COL11A1: variants seen among roughly 807,000 people sequenced by gnomAD.
COL11A1 encodes the protein collagen type XI alpha 1 chain, also known as collagen alpha-1(XI) chain.
A neutral mutation model predicts 265.2 loss-of-function variants in COL11A1; 74 were observed. The ratio of observed to expected loss-of-function variants is 0.28; its 90% CI spans 0.23 to 0.34. The LOEUF (loss-of-function observed/expected upper bound fraction) is 0.34. Among genes scored for constraint, COL11A1 ranks in the 10% least tolerant of loss-of-function variants. The pLI, the probability that COL11A1 is intolerant of heterozygous loss-of-function variation, is 1.00. For synonymous variants in COL11A1, 816 were observed against 727.6 expected (o/e 1.12, Z -1.96); for missense variants, 2,165 against 2,263.6 (o/e 0.96, Z 0.88).
intron 21 of COL11A1, 90 bp downstream of exon 21, chr1:103,003,125 C>A (rs1665279109): frequency 7.6e-7 from 1 of 1,314,656 alleles, no homozygotes; most frequent in African/African-American, 1.4e-5. Context: ...GCAATAAACT[C>A]TTGGCTCTCT....
intron 29 of COL11A1, among the ~76,000 whole-genome samples, chr1:102,988,928 T>C (rs958059325): frequency 6.6e-6 from 1 of 152,148 alleles, no homozygotes; most frequent in South Asian, 2.1e-4. Flanking sequence ...ATATTTTCTA[T>C]AGAATGCTTC....
At chr1:103,043,783 G>C (rs1406747857) in intron 4 of COL11A1, among the ~76,000 whole-genome samples, 1 of 151,994 alleles carries the variant, frequency 6.6e-6, no homozygotes, top group East Asian at 1.9e-4. Flanking sequence ...CTAAAAATAA[G>C]TTCCAGTTTC....
In COL11A1 at chr1:102,987,659, C is replaced by T; in HGVS notation, c.2476G>A (p.Gly826Ser). The T allele has an allele frequency of 6.2e-7, 1 of 1,613,524 alleles. No individual in the cohort carries two copies. Among genetic ancestry groups the T allele is most frequent in the African/African-American group, 1.3e-5 (1 of 74,970 alleles). ...KGRAGPTGDP[G>S]PSGQAGEKGK... is the part of the protein sequence containing the mutation. ...TTTTCTCCTGCTTGACCTGAAGGAC[C>T]TGGGTCTCCAGTTGGGCCTGCTCGA... The change falls in exon 30 of 67, where the codon GGT (glycine) becomes AGT (serine). Residue 826 changes from glycine (G) to serine (S), a missense_variant. By Grantham distance (56) the Gly-to-Ser change is moderately conservative. Transcript: ENST00000370096.
At chr1:102,998,176 G>A in intron 25 of COL11A1, 134 bp downstream of exon 25, 1 of 759,036 alleles carries the variant, frequency 1.3e-6, no homozygotes, top group Admixed American at 2.1e-5. Context: ...AGGTATTTTA[G>A]AGAGATCAAT....
At chr1:102,907,863 C>T (rs1654177627) in intron 54 of COL11A1, among the ~76,000 whole-genome samples, 1 of 151,934 alleles carries the variant, frequency 6.6e-6, no homozygotes, top group Non-Finnish European at 1.5e-5. Context: ...GATAACAAAA[C>T]ATTATTCCTT....
intron 47 of COL11A1, among the ~76,000 whole-genome samples, chr1:102,922,436 G>A (rs1170179996): frequency 2.0e-5 from 3 of 151,982 alleles, no homozygotes; most frequent in South Asian, 2.1e-4. Flanking sequence ...TTGCTCTGTC[G>A]CCCAGGCTGG....
At position 103,078,736 on chromosome 1, in the gene COL11A1, A is replaced by G. The variant is rs769960670; in HGVS notation, c.410T>C (p.Phe137Ser). 4 of 1,613,498 alleles carry G rather than the reference A, an allele frequency of 2.5e-6. No homozygotes were observed. Among genetic ancestry groups the G allele is most frequent in the South Asian group, 2.2e-5 (2 of 91,080 alleles). Residue 137 changes from phenylalanine to serine, a missense_variant, in exon 3 of 67, where the codon TTT (phenylalanine) becomes TCT (serine). Transcript: ENST00000370096. Reference sequence around the variant, plus strand: ...TTTTCCAGTGTGGTCTTCAAACAGAAAAACAGGTGATCTCCCAACCTCAAC... The same window carrying G: ...TTTTCCAGTGTGGTCTTCAAACAGAGAAACAGGTGATCTCCCAACCTCAAC... ...IGVEVGRSPV[F>S]LFEDHTGKPA...
chr1:102,989,688 G>C, intron 28 of COL11A1, 117 bp from the exon 29 acceptor site: 1 of 600,782 alleles, frequency 1.7e-6, no homozygotes, highest in East Asian at 3.1e-5. Flanking sequence ...TGAGAAATGT[G>C]CATGGTAGTT....
chr1:103,108,045 C>T (rs1273777458), intron 1 of COL11A1, 28 bp downstream of exon 1: 3 of 1,569,348 alleles, frequency 1.9e-6, no homozygotes, highest in African/African-American at 2.7e-5. Context: ...CGGCAATCTC[C>T]CACCTCCCCA....
At chr1:103,008,682 A>G (rs979805052) in intron 14 of COL11A1, among the ~76,000 whole-genome samples, 166 bp from the exon 15 acceptor site, 18 of 152,212 alleles carry the variant, frequency 1.2e-4, no homozygotes, top group African/African-American at 3.6e-4. Context: ...TTGCATTGAA[A>G]TATATCTCTT....
chr1:103,008,322 T>A lies in COL11A1; in HGVS notation c.1683+141A>T, dbSNP rs528104930. On this transcript the variant is annotated intron_variant, in intron 15 of 66. Transcript: ENST00000370096. ...CGTAATCAGTTTTCTCTGAATTTTT[T>A]AATTTCAAAATAAACCCTCATACAT... 48 of 683,566 alleles carry A rather than the reference T, an allele frequency of 7.0e-5. No homozygotes were observed. The East Asian group carries it at 1.1e-3, about 15-fold the overall frequency. 42.3% of individuals were successfully genotyped at this position (683,566 alleles called of 1,614,324 possible). A position where few individuals can be genotyped will look rare whatever the true frequency, so the allele number is the denominator to read the frequency against.
chr1:103,006,572 C>G (rs1344287093), intron 15 of COL11A1, among the ~76,000 whole-genome samples: 2 of 107,548 alleles, frequency 1.9e-5, no homozygotes, highest in Admixed American at 2.9e-4. Context: ...GAGTCTAGCT[C>G]TGTCGCCTAG....
intron 35 of COL11A1, among the ~76,000 whole-genome samples, chr1:102,976,440 A>G (rs112952709): frequency 0.02 from 3,100 of 151,864 alleles, 103 homozygotes; most frequent in African/African-American, 0.071. Flanking sequence ...CTGGGATTAC[A>G]GGCACCCACC....
At chr1:103,031,538 T>C (rs561069707) in intron 4 of COL11A1, among the ~76,000 whole-genome samples, 18 of 152,160 alleles carry the variant, frequency 1.2e-4, no homozygotes, top group Non-Finnish European at 1.8e-4. Context: ...TTATACTGCA[T>C]GGTAAAGAAC....
intron 48 of COL11A1, among the ~76,000 whole-genome samples, chr1:102,920,673 C>A (rs552568570): frequency 6.6e-6 from 1 of 152,072 alleles, no homozygotes; most frequent in Non-Finnish European, 1.5e-5. Context: ...TGGTTTTAGG[C>A]GGTGATTTTG....
At chr1:102,927,143 TAA>T (rs1180097974) in intron 46 of COL11A1, among the ~76,000 whole-genome samples, 15 of 152,040 alleles carry the variant, frequency 9.9e-5, no homozygotes, top group Admixed American at 8.5e-4. Context: ...TTTATAAAAA[TAA>T]AGATACAAAT....
chr1:102,991,599 C>T (rs1011825374), intron 28 of COL11A1, among the ~76,000 whole-genome samples: 4 of 151,996 alleles, frequency 2.6e-5, no homozygotes, highest in East Asian at 1.9e-4. Context: ...GCTAAATGGC[C>T]GAACACAAGA....
intron 31 of COL11A1, among the ~76,000 whole-genome samples, chr1:102,980,760 A>G (rs190346962): frequency 2.0e-3 from 304 of 152,226 alleles, no homozygotes; most frequent in Middle Eastern, 0.01. Context: ...GTTGCTAAAA[A>G]TATGGATTGC....
intron 49 of COL11A1, among the ~76,000 whole-genome samples, chr1:102,917,387 A>G (rs11164637): frequency 0.53 from 80,779 of 151,810 alleles, 25,732 homozygotes; most frequent in East Asian, 0.77. Flanking sequence ...TAAAAATACT[A>G]AAAGAAAACA....
Sources: allele counts gnomAD v4.1 joint callset (sites outside exome capture counted in the v4.1 genomes callset), GRCh38; gene constraint gnomAD v4.1.1; transcripts MANE v1.5; gene names NCBI Gene and HGNC (gene_info 2026-07-23, HGNC 2026-07-21).